Variants in UNC45B observed in about 807,000 individuals in gnomAD.
The protein encoded by UNC45B is protein unc-45 homolog B.
Under a neutral mutation model 98.7 loss-of-function variants are expected in UNC45B, and 78 were observed. That is an observed-to-expected ratio of 0.79 (90% CI 0.66 to 0.95). The LOEUF (loss-of-function observed/expected upper bound fraction) is 0.95. Among genes scored for constraint, UNC45B ranks in the 40% least tolerant of loss-of-function variants. UNC45B has a pLI of 0.00. For synonymous variants in UNC45B, 462 were observed against 480.4 expected, an observed-to-expected ratio of 0.96 and a Z score of 0.50; for missense variants, 1,225 against 1,184.9, an observed-to-expected ratio of 1.03 and a Z score of -0.50.
intron 10 of UNC45B, 149 bp from the exon 11 acceptor site, chr17:35,169,688 C>G: frequency 1.5e-6 from 1 of 665,262 alleles, no homozygotes; most frequent in Admixed American, 2.5e-5. Context: ...GACACCTGAG[C>G]TGAGTTTTAC....
At chr17:35,180,951 T>C (rs2142600191) in intron 18 of UNC45B, among the ~76,000 whole-genome samples, 1 of 152,196 alleles carries the variant, frequency 6.6e-6, no homozygotes, top group South Asian at 2.1e-4. Flanking sequence ...TTCCCTAAGT[T>C]ACTTAGGCCC....
intron 14 of UNC45B, among the ~76,000 whole-genome samples, chr17:35,175,060 GAAGAAAGA>G (rs55847819): frequency 0.016 from 1,812 of 110,154 alleles, 24 homozygotes; most frequent in South Asian, 0.081. Flanking sequence ...AGAAAGGAAA[GAAGAAAGA>G]AAGAAAGAAA....
chr17:35,170,499 G>C (rs2092176896), intron 12 of UNC45B, among the ~76,000 whole-genome samples: 1 of 148,574 alleles, frequency 6.7e-6, no homozygotes, highest in Admixed American at 6.8e-5. Context: ...GGGCCCTCAG[G>C]AGGTGAGGTC....
At chr17:35,172,208 A>T (rs1201575678) in intron 13 of UNC45B, among the ~76,000 whole-genome samples, 1 of 152,132 alleles carries the variant, frequency 6.6e-6, no homozygotes, top group African/African-American at 2.4e-5. Context: ...TTGGAAAAAT[A>T]TGTTTTTCAC....
intron 6 of UNC45B, 129 bp from the exon 7 acceptor site, chr17:35,155,167 A>T (rs1390125807): frequency 8.6e-7 from 1 of 1,167,924 alleles, no homozygotes; most frequent in Admixed American, 2.6e-5. Context: ...CCATGAGGCA[A>T]TGGCTGCCTG....
chr17:35,180,758 G>A lies in UNC45B; in HGVS notation c.2373+82G>A, dbSNP rs55674950. On this transcript the variant is annotated intron_variant, in intron 18 of 19. Transcript: ENST00000394570. ...CAGGGTCAGGGCCTGGGGTGAGATC[G>A]GGAGCTCTTATGATGGCATTAAGGT... 8,385 of 1,043,338 alleles carry A rather than the reference G, an allele frequency of 8.0e-3. 40 individuals are homozygous for A. Among genetic ancestry groups the A allele is most frequent in the Non-Finnish European group, 0.01 (7,076 of 686,536 alleles). 64.6% of individuals were successfully genotyped at this position (1,043,338 alleles called of 1,614,324 possible).
At chr17:35,170,002 C>G in intron 11 of UNC45B, 71 bp downstream of exon 11, 1 of 1,609,826 alleles carries the variant, frequency 6.2e-7, no homozygotes, top group Non-Finnish European at 8.5e-7. Flanking sequence ...CTGGGGTGTG[C>G]TCTAGTGGAG....
At position 35,148,356 on chromosome 17, in the gene UNC45B, G is replaced by A. The variant is rs2091990125; in HGVS notation, c.93G>A (p.Gln31=). The A allele has an allele frequency of 6.2e-7, 1 of 1,614,068 alleles. No individual in the cohort carries two copies. The highest frequency in any genetic ancestry group is 8.5e-7 in the Non-Finnish European group (1 of 1,180,044). ...DYKAATNSYS[Q]ALKLTKDKAL... is the part of the protein sequence containing the mutation. ...AGGCCGCCACAAATAGCTACAGCCAGGCCCTGAAGCTGACCAAGGACAAGG... is the reference window on the plus strand; with the variant it reads ...AGGCCGCCACAAATAGCTACAGCCAAGCCCTGAAGCTGACCAAGGACAAGG... The change falls in exon 2 of 20, where the codon CAG becomes CAA. Residue 31 remains glutamine, a synonymous_variant. Coordinates refer to ENST00000394570, the MANE Select transcript of UNC45B (RefSeq NM_001267052.2).
At chr17:35,159,960 T>C (rs924102521) in intron 8 of UNC45B, among the ~76,000 whole-genome samples, 1 of 152,136 alleles carries the variant, frequency 6.6e-6, no homozygotes, top group Non-Finnish European at 1.5e-5. Context: ...CTGAGACAGG[T>C]CTCAATCAAT....
rs1303216218 is a variant in UNC45B at position 35,159,450 on chromosome 17, G to T, written c.884G>T (p.Gly295Val). The change falls in exon 8 of 20, where the codon GGC becomes GTC. Residue 295 changes from glycine to valine, a missense_variant. Coordinates refer to ENST00000394570, the MANE Select transcript of UNC45B (RefSeq NM_001267052.2). ...MLVSKKVSGQ[G>V]RDQALNLLNK... ...GTCAGCAAGAAGGTGTCTGGCCAGG[G>T]CAGGGATCAGGCGCTGAACCTGCTC... The T allele has an allele frequency of 6.2e-7, 1 of 1,614,144 alleles. No individual in the cohort carries two copies. Among genetic ancestry groups the T allele is most frequent in the East Asian group, 2.2e-5 (1 of 44,874 alleles).
In UNC45B at chr17:35,159,686, G is replaced by C; in HGVS notation, c.979+141G>C. ...GATGAGAAAAGGCATTGGCCCATCA[G>C]GATCCACCAGTGGGCCTGTGAAGGT... On this transcript the variant is annotated intron_variant, in intron 8 of 19. Transcript: ENST00000394570. 3 of 953,038 alleles carry C rather than the reference G, an allele frequency of 3.1e-6. No homozygotes were observed. The South Asian group carries it at 5.7e-5, about 18-fold the overall frequency. 59.0% of individuals were successfully genotyped at this position (953,038 alleles called of 1,614,324 possible).
At chr17:35,166,032 C>A (rs1441223601) in intron 9 of UNC45B, among the ~76,000 whole-genome samples, 1 of 139,262 alleles carries the variant, frequency 7.2e-6, no homozygotes, top group Non-Finnish European at 1.5e-5. Flanking sequence ...GGGAGAATTG[C>A]CTGAGACCAG....
chr17:35,174,425 A>C (rs1287538832), intron 14 of UNC45B, 56 bp downstream of exon 14: 2 of 1,608,776 alleles, frequency 1.2e-6, no homozygotes, highest in African/African-American at 2.7e-5. Context: ...AGGGTCCTGG[A>C]GTGCAGCACA....
intron 16 of UNC45B, 149 bp downstream of exon 16, chr17:35,177,279 C>T (rs1597930938): frequency 1.2e-6 from 1 of 810,918 alleles, no homozygotes; most frequent in East Asian, 2.7e-5. Context: ...GGATTCCAGG[C>T]CTGGTTCTGC....
intron 18 of UNC45B, among the ~76,000 whole-genome samples, chr17:35,181,288 A>ATCCTG (rs542824002): frequency 1.4e-4 from 21 of 152,278 alleles, no homozygotes; most frequent in Non-Finnish European, 2.8e-4. Context: ...TCTTCTCCCC[A>ATCCTG]TCCTGTCAGA....
At chr17:35,163,854 G>A (rs1323670751) in intron 8 of UNC45B, 141 bp from the exon 9 acceptor site, 1 of 988,808 alleles carries the variant, frequency 1.0e-6, no homozygotes, top group East Asian at 2.7e-5. Context: ...CCCCATTCTA[G>A]GCCCTTTCAT....
chr17:35,180,644 G>T lies in UNC45B; in HGVS notation c.2341G>T (p.Glu781Ter). 6.2e-7 allele frequency: 1 copy of T among 1,613,824 alleles called. No homozygotes were observed. Among genetic ancestry groups the T allele is most frequent in the Non-Finnish European group, 8.5e-7 (1 of 1,179,958 alleles). ...TGATCAGCTGCGGCAGGCGGCCACC[G>T]AGTGCATGTGCAACATGGTGCTCCA... The part of the protein sequence containing the change: ...NHDQLRQAAT[E>*]CMCNMVLHKE... The change falls in exon 18 of 20, where the codon GAG (glutamate) becomes TAG (stop). Residue 781 changes from glutamate (E) to a stop codon, truncating the protein, a stop_gained. Coordinates refer to ENST00000394570, the MANE Select transcript of UNC45B (RefSeq NM_001267052.2). LOFTEE classifies it high-confidence loss of function.
rs897182556 is a variant in UNC45B, at chr17:35,180,460, C to A, written c.2256-99C>A. Reference sequence around the variant, plus strand: ...ATGCTGGCTGAGGATGTGGGAAGGACAGCACCAGAATGGAAGAATGGTCCC... The same window carrying A: ...ATGCTGGCTGAGGATGTGGGAAGGAAAGCACCAGAATGGAAGAATGGTCCC... On this transcript the variant is annotated intron_variant, in intron 17 of 19. Transcript: ENST00000394570. The A allele has an allele frequency of 4.5e-6, 4 of 881,840 alleles. No homozygotes were observed. In the East Asian group the frequency reaches 7.6e-5, roughly 17 times the overall value. The allele number at this position is 881,840 out of a possible 1,614,324, so 54.6% of individuals were successfully genotyped here. A position where few individuals can be genotyped will look rare whatever the true frequency, so the allele number is the denominator to read the frequency against.
chr17:35,185,155 C>A (rs1014357996), intron 19 of UNC45B, among the ~76,000 whole-genome samples: 1 of 152,090 alleles, frequency 6.6e-6, no homozygotes, highest in Non-Finnish European at 1.5e-5. Context: ...GTTAGATGCT[C>A]AAAAGCCAAG....
Sources: gnomAD v4.1 joint callset for allele counts (sites outside exome capture counted in the v4.1 genomes callset) on GRCh38, gnomAD v4.1.1 for gene constraint, MANE v1.5 for transcripts, NCBI Gene and HGNC (gene_info 2026-07-23, HGNC 2026-07-21) for gene names.